HIVEP1: variants seen among roughly 807,000 people sequenced by gnomAD.
HIVEP1 encodes the protein zinc finger protein 40.
HIVEP1 carries 36 observed loss-of-function variants against 180.0 expected under a neutral mutation model. That is an observed-to-expected ratio of 0.20 (90% CI 0.15 to 0.26). The LOEUF (loss-of-function observed/expected upper bound fraction) is 0.26, where lower values mean the gene tolerates loss of function less well. Among genes scored for constraint, HIVEP1 ranks in the 10% least tolerant of loss-of-function variants. The pLI is 1.00. For synonymous variants in HIVEP1, 1,239 were observed against 1,239.0 expected (o/e 1.00, Z 0.00); for missense variants, 3,143 against 3,268.7 (o/e 0.96, Z 0.94).
chr6:12,205,206 T>C, the HIVEP1 span, among the ~76,000 whole-genome samples: 6 of 152,188 alleles, frequency 3.9e-5, no homozygotes, highest in African/African-American at 1.4e-4. Flanking sequence ...GCGCGGTGGC[T>C]CATGCCTGTA....
At chr6:12,095,255 T>C (rs1773718378) in intron 3 of HIVEP1, among the ~76,000 whole-genome samples, 1 of 151,988 alleles carries the variant, frequency 6.6e-6, no homozygotes, top group Non-Finnish European at 1.5e-5. Context: ...TCATTAAATT[T>C]TGTTCTTTAT....
chr6:12,191,896 A>T, the HIVEP1 span, among the ~76,000 whole-genome samples: 2 of 152,290 alleles, frequency 1.3e-5, no homozygotes, highest in South Asian at 2.1e-4. Flanking sequence ...AAAATATATA[A>T]TGTCATTTAC....
At chr6:12,168,098 C>T (rs376029339), downstream of HIVEP1, among the ~76,000 whole-genome samples, 18 of 17,702 alleles carry the variant, frequency 1.0e-3, 2 homozygotes, top group Non-Finnish European at 1.7e-3. Flanking sequence ...TATACACATA[C>T]ACGTATATAT....
chr6:12,122,598 G>A lies in HIVEP1; in HGVS notation c.2803G>A (p.Val935Met), dbSNP rs1757747686. Reference protein sequence around the residue: ...GCHAAGEAMSVRSKALAQGPH... With the variant: ...GCHAAGEAMSMRSKALAQGPH... ...CCATGCTGCTGGTGAAGCCATGTCA[G>A]TGAGGAGCAAGGCACTGGCACAAGG... The change falls in exon 4 of 9, where the codon GTG (valine) becomes ATG (methionine). Residue 935 changes from valine to methionine, a missense_variant. This residue lies in a region of HIVEP1 where 204 missense variants were observed against 243.7 expected (regional missense o/e 0.84). Coordinates refer to ENST00000379388, the MANE Select transcript of HIVEP1 (RefSeq NM_002114.4). The A allele has an allele frequency of 6.2e-7, 1 of 1,614,114 alleles. No homozygotes were observed. The highest frequency in any genetic ancestry group is 2.2e-5 in the East Asian group (1 of 44,904).
intron 8 of HIVEP1, 38 bp downstream of exon 8, chr6:12,161,967 G>T (rs9462549): frequency 3.2e-6 from 5 of 1,545,744 alleles, no homozygotes; most frequent in Non-Finnish European, 4.4e-6. Flanking sequence ...TTCTTTTTTC[G>T]TTTTAACCTA....
At chr6:12,071,613 G>T (rs932421693) in intron 2 of HIVEP1, among the ~76,000 whole-genome samples, 2 of 152,166 alleles carry the variant, frequency 1.3e-5, no homozygotes, top group African/African-American at 2.4e-5. Flanking sequence ...TTTTTCAAAA[G>T]ATTTTCATAG....
the HIVEP1 span, among the ~76,000 whole-genome samples, chr6:12,189,797 T>C: frequency 6.6e-6 from 1 of 152,154 alleles, no homozygotes; most frequent in African/African-American, 2.4e-5. Context: ...CATATTCACA[T>C]GTGGGAAAAA....
At chr6:12,143,222 T>C (rs1759159003) in intron 7 of HIVEP1, among the ~76,000 whole-genome samples, 1 of 152,248 alleles carries the variant, frequency 6.6e-6, no homozygotes, top group South Asian at 2.1e-4. Flanking sequence ...GATGCAAGGC[T>C]GGTTCAACAT....
chr6:12,124,408 G>A lies in HIVEP1; in HGVS notation c.4613G>A (p.Ser1538Asn). 6.2e-7 allele frequency: 1 copy of A among 1,614,080 alleles called. No individual in the cohort carries two copies. The highest frequency in any genetic ancestry group is 1.1e-5 in the South Asian group (1 of 91,078). Reference protein sequence around the residue: ...QLSLQVSTQGSKPDKNSVLSG... With the variant: ...QLSLQVSTQGNKPDKNSVLSG... ...TCTCTGCAAGTGTCTACGCAGGGTA[G>A]CAAGCCAGATAAAAATTCTGTTTTA... The change falls in exon 4 of 9, where the codon AGC becomes AAC. Residue 1538 changes from serine to asparagine, a missense_variant. Coordinates refer to ENST00000379388, the MANE Select transcript of HIVEP1 (RefSeq NM_002114.4).
intron 6 of HIVEP1, among the ~76,000 whole-genome samples, chr6:12,133,280 T>G (rs3777776): frequency 0.27 from 40,413 of 152,132 alleles, 6,287 homozygotes; most frequent in Non-Finnish European, 0.35. Flanking sequence ...AGAAAACATA[T>G]AGAGAGCTTG....
intron 3 of HIVEP1, among the ~76,000 whole-genome samples, chr6:12,099,328 C>T (rs935849639): frequency 4.6e-5 from 7 of 152,102 alleles, no homozygotes; most frequent in Middle Eastern, 3.4e-3. Flanking sequence ...CCACTACGCC[C>T]GGCTATTTTT....
At chr6:12,171,520 T>G in the HIVEP1 span, among the ~76,000 whole-genome samples, 1 of 152,182 alleles carries the variant, frequency 6.6e-6, no homozygotes, top group African/African-American at 2.4e-5. Flanking sequence ...CAGTGGCCCC[T>G]GTGAGAGGGG....
At chr6:12,087,345 G>A (rs996845581) in intron 2 of HIVEP1, among the ~76,000 whole-genome samples, 5 of 152,000 alleles carry the variant, frequency 3.3e-5, no homozygotes, top group Non-Finnish European at 5.9e-5. Flanking sequence ...GTTGCTTTAA[G>A]CCACAACTGA....
At chr6:12,172,843 A>G in the HIVEP1 span, among the ~76,000 whole-genome samples, 1 of 150,886 alleles carries the variant, frequency 6.6e-6, no homozygotes. Flanking sequence ...GATTTATGAT[A>G]ATTGGGTTGT....
At chr6:12,042,332 C>T (rs1474971715) in intron 2 of HIVEP1, among the ~76,000 whole-genome samples, 2 of 148,504 alleles carry the variant, frequency 1.3e-5, no homozygotes, top group African/African-American at 2.5e-5. Flanking sequence ...CCACCCGCCT[C>T]GGCCTCCCAA....
intron 2 of HIVEP1, among the ~76,000 whole-genome samples, chr6:12,016,025 T>G (rs970124839): frequency 1.5e-4 from 8 of 54,088 alleles, no homozygotes; most frequent in Non-Finnish European, 3.8e-4. Flanking sequence ...AATTTTATGT[T>G]TTTTTTTCAC....
At chr6:12,166,010 A>T (rs947725999), downstream of HIVEP1, among the ~76,000 whole-genome samples, 4 of 152,324 alleles carry the variant, frequency 2.6e-5, no homozygotes, top group African/African-American at 9.6e-5. Context: ...ATATTTCCAT[A>T]GATTAAGTAA....
At chr6:12,022,759 A>G (rs1410806602) in intron 2 of HIVEP1, among the ~76,000 whole-genome samples, 2 of 152,252 alleles carry the variant, frequency 1.3e-5, no homozygotes, top group African/African-American at 4.8e-5. Context: ...ATATCTACAT[A>G]AAATCTGTAA....
downstream of HIVEP1, among the ~76,000 whole-genome samples, chr6:12,167,132 A>G (rs1040723668): frequency 1.3e-5 from 2 of 152,166 alleles, no homozygotes; most frequent in Admixed American, 6.5e-5. Flanking sequence ...TTTTCATAAT[A>G]TAGACCTGAT....
Sources: allele counts gnomAD v4.1 joint callset (sites outside exome capture counted in the v4.1 genomes callset), GRCh38; gene constraint gnomAD v4.1.1; regional missense constraint gnomAD v4.1.1; transcripts MANE v1.5; gene names NCBI Gene and HGNC (gene_info 2026-07-23, HGNC 2026-07-21).